CNTNAP2: variants seen among roughly 807,000 people sequenced by gnomAD.
CNTNAP2 encodes the protein contactin associated protein 2.
A neutral mutation model predicts 155.2 loss-of-function variants in CNTNAP2; 98 were observed. That is an observed-to-expected ratio of 0.63 (90% CI 0.54 to 0.75). CNTNAP2 has a LOEUF of 0.75. Ranked by LOEUF, CNTNAP2 falls within the 30% of genes least tolerant of loss-of-function variation. The pLI is 0.00. For synonymous variants in CNTNAP2, 651 were observed against 631.2 expected (o/e 1.03, Z -0.47); for missense variants, 1,727 against 1,688.1 (o/e 1.02, Z -0.40).
At chr7:147,379,477 G>A (rs1436347406) in intron 9 of CNTNAP2, among the ~76,000 whole-genome samples, 2 of 152,050 alleles carry the variant, frequency 1.3e-5, no homozygotes, top group Non-Finnish European at 2.9e-5. Context: ...AGTGAATCCA[G>A]AGAGGGGTTA....
At chr7:146,700,364 C>G (rs1252047320) in intron 1 of CNTNAP2, among the ~76,000 whole-genome samples, 1 of 152,054 alleles carries the variant, frequency 6.6e-6, no homozygotes, top group Non-Finnish European at 1.5e-5. Context: ...GTTTAGTCAG[C>G]ATTTTTCTTA....
intron 1 of CNTNAP2, among the ~76,000 whole-genome samples, chr7:146,362,927 C>T (rs1474642246): frequency 7.9e-5 from 12 of 151,884 alleles, no homozygotes; most frequent in African/African-American, 9.7e-5. Flanking sequence ...TGTGCCACCA[C>T]GCCCAGCTAA....
intron 14 of CNTNAP2, among the ~76,000 whole-genome samples, chr7:147,967,203 GT>G (rs1438269571): frequency 6.6e-5 from 10 of 152,142 alleles, no homozygotes; most frequent in African/African-American, 2.4e-4. Context: ...GATGCACAAA[GT>G]AAAATGTATG....
intron 14 of CNTNAP2, among the ~76,000 whole-genome samples, chr7:147,963,334 T>C (rs957636256): frequency 3.3e-5 from 5 of 152,128 alleles, no homozygotes; most frequent in Non-Finnish European, 7.4e-5. Context: ...TGAGTCAATT[T>C]CTATGGGAAA....
chr7:147,637,253 G>A (rs1795195624), intron 12 of CNTNAP2, among the ~76,000 whole-genome samples: 1 of 150,768 alleles, frequency 6.6e-6, no homozygotes, highest in African/African-American at 2.4e-5. Context: ...AGGGTGGAAA[G>A]CAGCAGACTG....
Position 148,127,419 on chromosome 7 carries a change from C to G in CNTNAP2, c.2554+9131C>G, listed in dbSNP as rs118131614. 2.1e-3 allele frequency among the ~76,000 whole-genome samples: 322 copies of G among 152,306 alleles called. 5 individuals are homozygous for G. The East Asian group carries it at 0.049, about 23-fold the overall frequency. On this transcript the variant is annotated intron_variant, in intron 16 of 23. Transcript: ENST00000361727. ...ACCAGAAACTGTTGTAATACTTTAA[C>G]ATAAGCTTCCATGTTGCCCAAGTTT...
At chr7:146,607,683 A>G (rs1799070750) in intron 1 of CNTNAP2, among the ~76,000 whole-genome samples, 1 of 151,548 alleles carries the variant, frequency 6.6e-6, no homozygotes, top group South Asian at 2.1e-4. Context: ...TCACTATGTT[A>G]CCTAGGCTGG....
At chr7:147,435,800 G>A (rs1200080026) in intron 10 of CNTNAP2, among the ~76,000 whole-genome samples, 1 of 152,122 alleles carries the variant, frequency 6.6e-6, no homozygotes, top group African/African-American at 2.4e-5. Flanking sequence ...TTCATCTGTA[G>A]AATAGGAATA....
chr7:147,809,226 C>G (rs150364941), intron 13 of CNTNAP2, among the ~76,000 whole-genome samples: 7 of 152,260 alleles, frequency 4.6e-5, no homozygotes, highest in African/African-American at 1.7e-4. Flanking sequence ...TCTGTTTTCT[C>G]TCCTTGTTTC....
At chr7:147,021,826 TTTC>T (rs1400679602) in intron 3 of CNTNAP2, among the ~76,000 whole-genome samples, 1 of 152,154 alleles carries the variant, frequency 6.6e-6, no homozygotes, top group Non-Finnish European at 1.5e-5. Flanking sequence ...TTGATAACAA[TTTC>T]TTATTTGCAT....
intron 11 of CNTNAP2, among the ~76,000 whole-genome samples, chr7:147,544,058 GT>G (rs1349931019): frequency 1.3e-5 from 2 of 152,122 alleles, no homozygotes; most frequent in East Asian, 3.8e-4. Context: ...TTAAATATAA[GT>G]GTTTCCAAAC....
At chr7:147,524,314 C>T (rs1033507891) in intron 11 of CNTNAP2, among the ~76,000 whole-genome samples, 12 of 151,776 alleles carry the variant, frequency 7.9e-5, no homozygotes, top group African/African-American at 2.7e-4. Flanking sequence ...TGCTTGAACC[C>T]GGGAGGCGGA....
intron 21 of CNTNAP2, among the ~76,000 whole-genome samples, chr7:148,304,361 CTTGT>C (rs1449644711): frequency 1.3e-5 from 2 of 152,260 alleles, no homozygotes; most frequent in Non-Finnish European, 2.9e-5. Flanking sequence ...ATAAAATCAT[CTTGT>C]TTAAAGTGTC....
At chr7:148,018,596 C>T (rs1055657014) in intron 15 of CNTNAP2, among the ~76,000 whole-genome samples, 1 of 152,184 alleles carries the variant, frequency 6.6e-6, no homozygotes, top group Non-Finnish European at 1.5e-5. Context: ...CTACAGTGAA[C>T]ATTCAGGGTA....
chr7:147,602,695 TA>T (rs1487632733), intron 12 of CNTNAP2, among the ~76,000 whole-genome samples: 1 of 151,588 alleles, frequency 6.6e-6, no homozygotes, highest in Non-Finnish European at 1.5e-5. Context: ...TGTGTCCATG[TA>T]TTCTCATTGT....
intron 8 of CNTNAP2, among the ~76,000 whole-genome samples, chr7:147,267,096 T>A (rs2116696901): frequency 6.6e-6 from 1 of 152,310 alleles, no homozygotes; most frequent in East Asian, 1.9e-4. Flanking sequence ...ATCCAAGATT[T>A]CTGATTATCA....
intron 3 of CNTNAP2, among the ~76,000 whole-genome samples, chr7:146,870,485 G>T (rs1027494463): frequency 6.6e-6 from 1 of 151,968 alleles, no homozygotes; most frequent in African/African-American, 2.4e-5. Context: ...CATTAGTCTA[G>T]CTAGTAGCAA....
intron 4 of CNTNAP2, among the ~76,000 whole-genome samples, chr7:147,066,091 G>A (rs1160312698): frequency 2.0e-5 from 3 of 152,152 alleles, no homozygotes; most frequent in Non-Finnish European, 2.9e-5. Flanking sequence ...GCAAAAGCTT[G>A]ATATCTGCAA....
intron 1 of CNTNAP2, among the ~76,000 whole-genome samples, chr7:146,581,262 T>C (rs1342857710): frequency 6.6e-6 from 1 of 152,120 alleles, no homozygotes; most frequent in Middle Eastern, 3.2e-3. Flanking sequence ...AGCATTTTCC[T>C]ACAGGTTATT....
Sources: allele counts gnomAD v4.1 joint callset (sites outside exome capture counted in the v4.1 genomes callset), GRCh38; gene constraint gnomAD v4.1.1; transcripts MANE v1.5; gene names NCBI Gene and HGNC (gene_info 2026-07-23, HGNC 2026-07-21).